The following KIAA0232 variants were observed in gnomAD, a reference collection of about 807,000 sequenced individuals.
The protein encoded by KIAA0232 is uncharacterized protein KIAA0232.
In KIAA0232, 27 loss-of-function variants were observed where a neutral mutation model predicts 122.0. The observed-to-expected ratio is 0.22, with a 90% CI of 0.16 to 0.31. The LOEUF is 0.31. KIAA0232 is among the 10% of genes least tolerant of loss of function. KIAA0232 has a pLI of 1.00. For missense variants in KIAA0232, 1,551 were observed against 1,634.2 expected (o/e 0.95, Z 0.88); for synonymous variants, 613 against 587.6 (o/e 1.04, Z -0.63).
intron 7 of KIAA0232, among the ~76,000 whole-genome samples, chr4:6,868,993 A>C (rs999773063): frequency 3.3e-5 from 5 of 152,152 alleles, no homozygotes; most frequent in Admixed American, 6.5e-5. Flanking sequence ...CCTGGCGGAA[A>C]CTTTTCTTCA....
intron 2 of KIAA0232, among the ~76,000 whole-genome samples, chr4:6,817,949 C>T (rs940166349): frequency 8.6e-5 from 13 of 152,004 alleles, no homozygotes; most frequent in African/African-American, 2.7e-4. Flanking sequence ...GTATTTTTTG[C>T]GCCAAAATCT....
chr4:6,795,352 G>A (rs561626217), intron 1 of KIAA0232, among the ~76,000 whole-genome samples: 12 of 152,282 alleles, frequency 7.9e-5, no homozygotes, highest in East Asian at 1.9e-4. Flanking sequence ...GATCACAGGC[G>A]TGAGCCACCG....
chr4:6,802,475 A>T (rs1717426356), intron 1 of KIAA0232, among the ~76,000 whole-genome samples: 1 of 152,038 alleles, frequency 6.6e-6, no homozygotes, highest in African/African-American at 2.4e-5. Context: ...CATTTGACTC[A>T]TTGGTTGGCG....
At chr4:6,820,629 C>T (rs947068576) in intron 2 of KIAA0232, among the ~76,000 whole-genome samples, 13 of 151,710 alleles carry the variant, frequency 8.6e-5, no homozygotes, top group African/African-American at 2.9e-4. Context: ...TTATGTTTTA[C>T]TTATATGTAT....
chr4:6,829,613 T>C (rs1302177457), intron 3 of KIAA0232, among the ~76,000 whole-genome samples: 1 of 152,222 alleles, frequency 6.6e-6, no homozygotes, highest in Admixed American at 6.5e-5. Context: ...CGAAAGTAAG[T>C]ATTAAGCTCC....
At chr4:6,842,027 G>A (rs899909287) in intron 3 of KIAA0232, 40 bp from the exon 4 acceptor site, 2 of 1,611,136 alleles carry the variant, frequency 1.2e-6, no homozygotes, top group Admixed American at 3.4e-5. Flanking sequence ...TAGTGTCCAA[G>A]TTAGCCCTGG....
At chr4:6,852,366 A>C (rs1039960861) in intron 4 of KIAA0232, among the ~76,000 whole-genome samples, 1 of 152,186 alleles carries the variant, frequency 6.6e-6, no homozygotes, top group Admixed American at 6.5e-5. Flanking sequence ...TCTTTTGCTT[A>C]TTTGCTTAAC....
intron 3 of KIAA0232, among the ~76,000 whole-genome samples, chr4:6,829,922 C>A (rs1292706671): frequency 6.6e-6 from 1 of 152,158 alleles, no homozygotes; most frequent in Non-Finnish European, 1.5e-5. Flanking sequence ...GTTCTTATAA[C>A]CCCAAATATG....
chr4:6,827,914 A>G (rs1156669656), intron 3 of KIAA0232, among the ~76,000 whole-genome samples: 1 of 152,046 alleles, frequency 6.6e-6, no homozygotes, highest in Non-Finnish European at 1.5e-5. Flanking sequence ...CTGTCTGGGA[A>G]GTATATTCTA....
At chr4:6,836,729 G>T (rs1719302417) in intron 3 of KIAA0232, among the ~76,000 whole-genome samples, 2 of 151,932 alleles carry the variant, frequency 1.3e-5, no homozygotes, top group Admixed American at 6.5e-5. Context: ...GAGTACGTGA[G>T]ATTAGGGAGC....
In KIAA0232 at chr4:6,871,355, G is replaced by T. The variant is rs370268608; in HGVS notation, c.3802-219G>T. Reference sequence around the variant, plus strand: ...AGGCTGAGGTGGAAGGATCACTTGAGCCCTGGAGGTGGAGGTTGCAGTGAG... The same window carrying T: ...AGGCTGAGGTGGAAGGATCACTTGATCCCTGGAGGTGGAGGTTGCAGTGAG... On this transcript the variant is annotated intron_variant, in intron 7 of 9. Coordinates refer to ENST00000307659, the MANE Select transcript of KIAA0232 (RefSeq NM_014743.3). Among the ~76,000 whole-genome samples the T allele has an allele frequency of 1.6e-3, 236 of 152,114 alleles. 1 individual carries two copies. The highest frequency in any genetic ancestry group is 5.5e-3 in the African/African-American group (228 of 41,490).
chr4:6,879,948 G>GCC lies in KIAA0232; in HGVS notation c.4009-835_4009-834dup, dbSNP rs5855935. On this transcript the variant is annotated intron_variant, in intron 9 of 9. Coordinates refer to ENST00000307659, the MANE Select transcript of KIAA0232 (RefSeq NM_014743.3). ...CCTTCCCAACACACCCGTCTGCAGT[G>GCC]CCCCCTCACCATCTGTACTGTGTCA... is the stretch of plus-strand genomic sequence containing the variant. Among the ~76,000 whole-genome samples, 130 of 25,988 alleles carry GCC rather than the reference G, an allele frequency of 5.0e-3. 1 individual carries two copies. The highest frequency in any genetic ancestry group is 7.7e-3 in the Non-Finnish European group (99 of 12,862). The allele number at this position is 25,988 out of a possible 152,430, so 17.0% of individuals were successfully genotyped here.
chr4:6,798,892 A>G (rs1717252453), intron 1 of KIAA0232, among the ~76,000 whole-genome samples: 1 of 152,158 alleles, frequency 6.6e-6, no homozygotes, highest in Non-Finnish European at 1.5e-5. Context: ...CACGAGAAGA[A>G]ATGCAGTTTC....
At chr4:6,784,278 C>T (rs1202480579) in intron 1 of KIAA0232, among the ~76,000 whole-genome samples, 3 of 152,140 alleles carry the variant, frequency 2.0e-5, no homozygotes, top group East Asian at 3.9e-4. Flanking sequence ...TTAGAAAGCT[C>T]GTGAGGGGGT....
At chr4:6,877,610 A>G (rs936883017) in intron 9 of KIAA0232, among the ~76,000 whole-genome samples, 1 of 152,154 alleles carries the variant, frequency 6.6e-6, no homozygotes, top group African/African-American at 2.4e-5. Context: ...AAGAACTTGG[A>G]GTCCGATGTT....
rs549222481 is a variant in KIAA0232 at position 6,838,867 on chromosome 4, G to A, written c.232-3200G>A. On this transcript the variant is annotated intron_variant, in intron 3 of 9. Transcript: ENST00000307659. ...AAGCTGGCCAGGTGAGGTGGCTCAC[G>A]CCTGTAATCCTAGCACTCTGGGAGG... Among the ~76,000 whole-genome samples, 49 of 151,996 alleles carry A rather than the reference G, an allele frequency of 3.2e-4. No homozygotes were observed. In the East Asian group the frequency reaches 8.5e-3, roughly 26 times the overall value.
chr4:6,825,701 G>A (rs1718642691), intron 3 of KIAA0232, among the ~76,000 whole-genome samples: 1 of 152,142 alleles, frequency 6.6e-6, no homozygotes, highest in Non-Finnish European at 1.5e-5. Context: ...GGGAACCAGA[G>A]TCATCAGTAC....
At chr4:6,849,827 TTTGTGG>T (rs1310976325) in intron 4 of KIAA0232, among the ~76,000 whole-genome samples, 1 of 151,996 alleles carries the variant, frequency 6.6e-6, no homozygotes, top group African/African-American at 2.4e-5. Context: ...AAGGAACATC[TTTGTGG>T]TATGAATAAG....
intron 4 of KIAA0232, among the ~76,000 whole-genome samples, chr4:6,853,799 A>C (rs1720422845): frequency 6.6e-6 from 1 of 152,216 alleles, no homozygotes; most frequent in South Asian, 2.1e-4. Flanking sequence ...TATGGAGAAG[A>C]TGGAGAAATA....
Sources: gnomAD v4.1 joint callset for allele counts (sites outside exome capture counted in the v4.1 genomes callset) on GRCh38, gnomAD v4.1.1 for gene constraint, MANE v1.5 for transcripts, NCBI Gene and HGNC (gene_info 2026-07-23, HGNC 2026-07-21) for gene names.